Variants in FAM162B observed in about 807,000 individuals in gnomAD.
FAM162B encodes protein FAM162B.
Under a neutral mutation model 20.0 loss-of-function variants are expected in FAM162B, and 16 were observed. The ratio of observed to expected loss-of-function variants is 0.80; its 90% CI spans 0.54 to 1.21. The LOEUF (loss-of-function observed/expected upper bound fraction) is 1.21. Ranked by LOEUF, FAM162B falls within the 50% of genes most tolerant of loss-of-function variation. FAM162B has a pLI of 0.00. For missense variants in FAM162B, 260 were observed against 227.5 expected, an observed-to-expected ratio of 1.14 and a Z score of -0.92; for synonymous variants, 83 against 89.7, an observed-to-expected ratio of 0.93 and a Z score of 0.42.
rs753015667 is a variant in FAM162B at position 116,765,540 on chromosome 6, G to A, written c.37C>T (p.Arg13Cys). 1.7e-5 allele frequency: 23 copies of A among 1,389,970 alleles called. No homozygotes were observed. Among genetic ancestry groups the A allele is most frequent in the South Asian group, 5.1e-5 (3 of 59,018 alleles). The allele number at this position is 1,389,970 out of a possible 1,614,324, so 86.1% of individuals were successfully genotyped here. A position where few individuals can be genotyped will look rare whatever the true frequency, so the allele number is the denominator to read the frequency against. ...RAVGSLLRLG[R>C]GLTVRCGPGA... ...GGGCCGCAGCGGACTGTTAGCCCGC[G>A]GCCAAGGCGCAGTAGGCTCCCGACC... is the stretch of plus-strand genomic sequence containing the variant. The change falls in exon 1 of 4, where the codon CGC (arginine) becomes TGC (cysteine). Residue 13 changes from arginine (R) to cysteine (C), a missense_variant. Arg to Cys is a radical substitution (Grantham distance 180). Coordinates refer to ENST00000368557, the MANE Select transcript of FAM162B (RefSeq NM_001085480.3).
chr6:116,761,293 G>C (rs1033173665), intron 3 of FAM162B, among the ~76,000 whole-genome samples: 4 of 152,098 alleles, frequency 2.6e-5, no homozygotes, highest in African/African-American at 4.8e-5. Flanking sequence ...GTATTAAACA[G>C]AAACCATACA....
chr6:116,758,204 ATG>A (rs951233009), intron 3 of FAM162B, among the ~76,000 whole-genome samples: 13 of 152,180 alleles, frequency 8.5e-5, no homozygotes, highest in African/African-American at 2.9e-4. Context: ...ATACAGGATT[ATG>A]TGTCATAAGA....
At chr6:116,760,053 C>T (rs1780121408) in intron 3 of FAM162B, among the ~76,000 whole-genome samples, 1 of 152,204 alleles carries the variant, frequency 6.6e-6, no homozygotes, top group Non-Finnish European at 1.5e-5. Context: ...TACTTGATCA[C>T]TCTCCATTTT....
intron 3 of FAM162B, among the ~76,000 whole-genome samples, chr6:116,756,994 G>A (rs1029774051): frequency 7.9e-5 from 12 of 152,034 alleles, no homozygotes; most frequent in African/African-American, 1.9e-4. Flanking sequence ...ATTACATGGC[G>A]TCTTTAAATA....
At chr6:116,753,739 G>C (rs1780020381) in intron 3 of FAM162B, among the ~76,000 whole-genome samples, 1 of 152,184 alleles carries the variant, frequency 6.6e-6, no homozygotes, top group African/African-American at 2.4e-5. Flanking sequence ...TATAGAAGGT[G>C]TTTAAATCCA....
Position 116,762,023 on chromosome 6 carries a change from C to A in FAM162B, c.344G>T (p.Gly115Val). The change falls in exon 3 of 4, where the codon GGA becomes GTA. Residue 115 changes from glycine to valine, a missense_variant. Transcript: ENST00000368557. ...ARVKACYIMI[G>V]LTIIACFAVI... is the part of the protein sequence containing the mutation. ...AGCAAAGCAGGCGATAATTGTGAGTCCAATCATTATGTAACAAGCTTTCAC... is the reference window on the plus strand; with the variant it reads ...AGCAAAGCAGGCGATAATTGTGAGTACAATCATTATGTAACAAGCTTTCAC... 6.2e-7 allele frequency: 1 copy of A among 1,602,982 alleles called. No individual in the cohort carries two copies. The highest frequency in any genetic ancestry group is 2.2e-5 in the East Asian group (1 of 44,752).
At chr6:116,759,630 T>C (rs1239957120) in intron 3 of FAM162B, among the ~76,000 whole-genome samples, 1 of 152,158 alleles carries the variant, frequency 6.6e-6, no homozygotes, top group Non-Finnish European at 1.5e-5. Flanking sequence ...CACTGGGTTT[T>C]GAATAAAGAG....
At chr6:116,757,703 C>T (rs2114548985) in intron 3 of FAM162B, among the ~76,000 whole-genome samples, 1 of 147,436 alleles carries the variant, frequency 6.8e-6, no homozygotes, top group East Asian at 2.0e-4. Flanking sequence ...GAGCCAAGAT[C>T]ATGCCACTGC....
Position 116,752,307 on chromosome 6 carries a change from A to T in FAM162B, c.*290T>A, listed in dbSNP as rs1281803219. ...GAGGTAATGGCTGAGAAAAGGCAGG[A>T]ATGAGGCTGTGAAGTGTTGCCAATA... On this transcript the variant is annotated 3_prime_UTR_variant, in exon 4 of 4. Coordinates refer to ENST00000368557, the MANE Select transcript of FAM162B (RefSeq NM_001085480.3). The T allele has an allele frequency of 2.5e-5, 4 of 158,966 alleles. No homozygotes were observed. The highest frequency in any genetic ancestry group is 5.5e-5 in the Non-Finnish European group (4 of 72,696). 9.8% of individuals were successfully genotyped at this position (158,966 alleles called of 1,614,324 possible).
intron 2 of FAM162B, among the ~76,000 whole-genome samples, chr6:116,764,572 A>C (rs1771867414): frequency 6.6e-6 from 1 of 150,938 alleles, no homozygotes; most frequent in African/African-American, 2.4e-5. Flanking sequence ...CAGTGCTGAC[A>C]CTCCCGCGCG....
At chr6:116,758,689 A>G (rs890162747) in intron 3 of FAM162B, among the ~76,000 whole-genome samples, 1 of 152,172 alleles carries the variant, frequency 6.6e-6, no homozygotes, top group African/African-American at 2.4e-5. Context: ...TGGTGATTTT[A>G]AGGCTTCACA....
At position 116,765,489 on chromosome 6, in the gene FAM162B, G is replaced by A. The variant is rs762164285; in HGVS notation, c.88C>T (p.Arg30Trp). 113 of 1,407,742 alleles carry A rather than the reference G, an allele frequency of 8.0e-5. No individual in the cohort carries two copies. Among genetic ancestry groups the A allele is most frequent in the Admixed American group, 2.6e-4 (8 of 31,130 alleles). 87.2% of individuals were successfully genotyped at this position (1,407,742 alleles called of 1,614,324 possible). A position where few individuals can be genotyped will look rare whatever the true frequency, so the allele number is the denominator to read the frequency against. Reference protein sequence around the residue: ...GPGAPLEATRRPAPALPPRGL... With the variant: ...GPGAPLEATRWPAPALPPRGL... ...CGGGGCGGAAGAGCCGGTGCGGGCC[G>A]TCGCGTGGCCTCGAGAGGCGCCCCG... Residue 30 changes from arginine (R) to tryptophan (W), a missense_variant, in exon 1 of 4, where the codon CGG becomes TGG. Arg to Trp is a moderately radical substitution (Grantham distance 101). Coordinates refer to ENST00000368557, the MANE Select transcript of FAM162B (RefSeq NM_001085480.3).
At position 116,765,579 on chromosome 6, in the gene FAM162B, T is replaced by C; in HGVS notation, c.-3A>G. ...AGGCTCCCGACCGCCCTGAGCATGC[T>C]GCCCGCTTGTCCCGCGCCGCACCCG... On this transcript the variant is annotated 5_prime_UTR_variant, in exon 1 of 4. Coordinates refer to ENST00000368557, the MANE Select transcript of FAM162B (RefSeq NM_001085480.3). The C allele has an allele frequency of 7.5e-7, 1 of 1,335,818 alleles. No homozygotes were observed. Among genetic ancestry groups the C allele is most frequent in the Non-Finnish European group, 9.5e-7 (1 of 1,051,096 alleles). 82.7% of individuals were successfully genotyped at this position (1,335,818 alleles called of 1,614,324 possible).
chr6:116,762,551 C>T (rs919237259), intron 2 of FAM162B, among the ~76,000 whole-genome samples: 2 of 151,714 alleles, frequency 1.3e-5, no homozygotes, highest in African/African-American at 4.8e-5. Flanking sequence ...AATCTCTTGT[C>T]CCTTCACATG....
chr6:116,758,979 T>A (rs920181747), intron 3 of FAM162B, among the ~76,000 whole-genome samples: 12 of 152,282 alleles, frequency 7.9e-5, no homozygotes, highest in African/African-American at 2.9e-4. Context: ...CTATTATTTT[T>A]AGTATTTTCT....
In FAM162B at chr6:116,765,139, A is replaced by C; in HGVS notation, c.281+8T>G. On this transcript the variant is annotated splice_region_variant and intron_variant, in intron 2 of 3. Transcript: ENST00000368557. The stretch of plus-strand genomic sequence containing the variant: ...GACTCTCCTTCGCGCGGCGGTCGCC[A>C]CACTTACGGGATCCGAGGCGGGATC... The C allele has an allele frequency of 6.2e-7, 1 of 1,612,492 alleles. No individual in the cohort carries two copies.
chr6:116,765,661 C>G lies in FAM162B; in HGVS notation c.-85G>C. The G allele has an allele frequency of 1.6e-6, 2 of 1,239,318 alleles. No homozygotes were observed. Among genetic ancestry groups the G allele is most frequent in the South Asian group, 7.6e-5 (2 of 26,432 alleles). The allele number at this position is 1,239,318 out of a possible 1,614,324, so 76.8% of individuals were successfully genotyped here. A position where few individuals can be genotyped will look rare whatever the true frequency, so the allele number is the denominator to read the frequency against. Reference sequence around the variant, plus strand: ...CGCAGCTCTCCTCGTCCCGCCCCGGCCTGCCGCGCGCTGGAGAGCCTGGGA... The same window carrying G: ...CGCAGCTCTCCTCGTCCCGCCCCGGGCTGCCGCGCGCTGGAGAGCCTGGGA... On this transcript the variant is annotated 5_prime_UTR_variant, in exon 1 of 4. Coordinates refer to ENST00000368557, the MANE Select transcript of FAM162B (RefSeq NM_001085480.3).
At position 116,752,586 on chromosome 6, in the gene FAM162B, C is replaced by A; in HGVS notation, c.*11G>T. The A allele has an allele frequency of 6.5e-7, 1 of 1,537,216 alleles. No individual in the cohort carries two copies. The highest frequency in any genetic ancestry group is 1.2e-5 in the South Asian group (1 of 81,714). On this transcript the variant is annotated 3_prime_UTR_variant, in exon 4 of 4. Transcript: ENST00000368557. Reference sequence around the variant, plus strand: ...GATGGTATTCAGGTGAACACTTTGTCACTTAGAATATCATTTAGCTTTAGC... The same window carrying A: ...GATGGTATTCAGGTGAACACTTTGTAACTTAGAATATCATTTAGCTTTAGC...
intron 3 of FAM162B, among the ~76,000 whole-genome samples, chr6:116,755,279 G>A (rs1369086953): frequency 6.6e-6 from 1 of 152,212 alleles, no homozygotes; most frequent in Non-Finnish European, 1.5e-5. Context: ...AAGTGAAACA[G>A]CCTTATTACT....
Sources: gnomAD v4.1 joint callset for allele counts (sites outside exome capture counted in the v4.1 genomes callset) on GRCh38, gnomAD v4.1.1 for gene constraint, MANE v1.5 for transcripts, NCBI Gene and HGNC (gene_info 2026-07-23, HGNC 2026-07-21) for gene names.